LMO7: variants seen among roughly 807,000 people sequenced by gnomAD.
The protein encoded by LMO7 is LIM domain 7.
In LMO7, 120 loss-of-function variants were observed where a neutral mutation model predicts 206.5. The observed-to-expected ratio is 0.58, with a 90% confidence interval of 0.50 to 0.68. The LOEUF (loss-of-function observed/expected upper bound fraction) is 0.68. Ranked by LOEUF, LMO7 falls within the 30% of genes least tolerant of loss-of-function variation. The pLI is 0.00. For missense variants in LMO7, 1,959 were observed against 1,957.9 expected, an observed-to-expected ratio of 1.00 and a Z score of -0.01; for synonymous variants, 706 against 681.5, an observed-to-expected ratio of 1.04 and a Z score of -0.56.
intron 5 of LMO7, among the ~76,000 whole-genome samples, 177 bp downstream of exon 5, chr13:75,795,608 G>C (rs900087843): frequency 6.6e-6 from 1 of 152,154 alleles, no homozygotes; most frequent in Non-Finnish European, 1.5e-5. Flanking sequence ...TATATGGTTA[G>C]GCTGTTCAGC....
chr13:75,634,636 G>C (rs892438040), upstream of LMO7, among the ~76,000 whole-genome samples: 3 of 152,142 alleles, frequency 2.0e-5, no homozygotes, highest in Admixed American at 6.5e-5. Context: ...CCAGCTACTC[G>C]AGAGGCTGAG....
At chr13:75,671,986 T>C (rs538764478) in intron 1 of LMO7, among the ~76,000 whole-genome samples, 27 of 152,278 alleles carry the variant, frequency 1.8e-4, no homozygotes, top group African/African-American at 6.3e-4. Flanking sequence ...TCATATTTCA[T>C]ACATTGCTTA....
At chr13:75,668,130 C>A (rs2039235242) in intron 1 of LMO7, among the ~76,000 whole-genome samples, 1 of 152,192 alleles carries the variant, frequency 6.6e-6, no homozygotes, top group African/African-American at 2.4e-5. Flanking sequence ...ATTGCTTGAA[C>A]ACTGGAGGTG....
chr13:75,778,399 A>T (rs1011427192), intron 4 of LMO7, among the ~76,000 whole-genome samples: 1 of 151,800 alleles, frequency 6.6e-6, no homozygotes, highest in African/African-American at 2.4e-5. Context: ...TGCCTGGCTA[A>T]TTTTTTGTAT....
intron 27 of LMO7, among the ~76,000 whole-genome samples, chr13:75,850,398 T>G (rs975584134): frequency 3.9e-5 from 6 of 152,214 alleles, no homozygotes; most frequent in African/African-American, 1.4e-4. Context: ...GCACTCTATC[T>G]TCTGGATATA....
intron 3 of LMO7, among the ~76,000 whole-genome samples, chr13:75,734,224 C>T (rs479824): frequency 0.5 from 76,689 of 151,950 alleles, 20,736 homozygotes; most frequent in African/African-American, 0.7. Flanking sequence ...CCACACTGTC[C>T]CAAGGTAGCT....
rs1029330001 is a variant in LMO7, at chr13:75,636,403, C to T, written c.-255C>T. On this transcript the variant is annotated 5_prime_UTR_variant, in exon 1 of 31. Transcript: ENST00000377534. ...CGCTTCCCGCGTCCTGCCTGACTGC[C>T]CGGGTCCCCGCGGGCCTTGGGTCGC... is the stretch of plus-strand genomic sequence containing the variant. The T allele has an allele frequency of 6.0e-6, 8 of 1,326,130 alleles. No individual in the cohort carries two copies. The African/African-American group carries it at 1.1e-4, about 18-fold the overall frequency. The allele number at this position is 1,326,130 out of a possible 1,614,324, so 82.1% of individuals were successfully genotyped here. A position where few individuals can be genotyped will look rare whatever the true frequency, so the allele number is the denominator to read the frequency against.
At chr13:75,782,682 G>A (rs2051708894) in intron 4 of LMO7, among the ~76,000 whole-genome samples, 1 of 152,198 alleles carries the variant, frequency 6.6e-6, no homozygotes, top group South Asian at 2.1e-4. Flanking sequence ...TCTTCTTGCA[G>A]CTCCAGGGGA....
At chr13:75,805,081 A>G (rs1318267565) in intron 8 of LMO7, 5 of 1,013,990 alleles carry the variant, frequency 4.9e-6, no homozygotes, top group East Asian at 1.9e-4. Context: ...AAAATCACCT[A>G]TCCTAATTCT....
At chr13:75,787,427 T>G (rs1357817238) in intron 4 of LMO7, among the ~76,000 whole-genome samples, 1 of 152,232 alleles carries the variant, frequency 6.6e-6, no homozygotes, top group Admixed American at 6.5e-5. Flanking sequence ...GTGTGTGGTT[T>G]GTTTCTCTTT....
intron 27 of LMO7, 63 bp from the exon 28 acceptor site, chr13:75,853,029 G>C: frequency 7.6e-7 from 1 of 1,312,210 alleles, no homozygotes. Context: ...ATGGAATGAT[G>C]AATTAAATAG....
intron 4 of LMO7, among the ~76,000 whole-genome samples, chr13:75,778,295 C>T (rs1326386587): frequency 6.6e-6 from 1 of 151,912 alleles, no homozygotes; most frequent in African/African-American, 2.4e-5. Flanking sequence ...TGCAGTGGTG[C>T]GATCTCAGCT....
intron 12 of LMO7, 151 bp from the exon 13 acceptor site, chr13:75,819,242 G>A (rs760808960): frequency 4.1e-6 from 3 of 726,074 alleles, no homozygotes; most frequent in South Asian, 2.4e-5. Context: ...GTACAGAAAC[G>A]CTGGCTATAA....
At chr13:75,750,545 G>A (rs915830501) in intron 3 of LMO7, among the ~76,000 whole-genome samples, 10 of 151,734 alleles carry the variant, frequency 6.6e-5, no homozygotes, top group African/African-American at 9.7e-5. Flanking sequence ...GCATGCCACC[G>A]CACCTGGATA....
intron 14 of LMO7, among the ~76,000 whole-genome samples, chr13:75,822,114 G>A (rs1374213767): frequency 1.3e-5 from 2 of 152,122 alleles, no homozygotes; most frequent in Non-Finnish European, 2.9e-5. Flanking sequence ...CTAGTGTCAG[G>A]ATTTTGAAGG....
intron 3 of LMO7, among the ~76,000 whole-genome samples, chr13:75,752,705 G>A (rs911335915): frequency 6.6e-6 from 1 of 152,152 alleles, no homozygotes; most frequent in African/African-American, 2.4e-5. Context: ...CTGCATCTGA[G>A]TTGTTTCGCT....
intron 3 of LMO7, among the ~76,000 whole-genome samples, chr13:75,741,988 G>T (rs146040686): frequency 6.6e-6 from 1 of 152,036 alleles, no homozygotes; most frequent in East Asian, 1.9e-4. Context: ...GCATAGTCTC[G>T]GCCCCAAAGC....
Position 75,636,432 on chromosome 13 carries a change from C to G in LMO7, c.-226C>G. The G allele has an allele frequency of 2.9e-6, 4 of 1,377,126 alleles. No individual in the cohort carries two copies. The highest frequency in any genetic ancestry group is 9.4e-7 in the Non-Finnish European group (1 of 1,068,780). The allele number at this position is 1,377,126 out of a possible 1,614,324, so 85.3% of individuals were successfully genotyped here. On this transcript the variant is annotated 5_prime_UTR_variant, in exon 1 of 31. Transcript: ENST00000377534. ...GTCCCCGCGGGCCTTGGGTCGCTTT[C>G]AGGAGTTTAGAGAAAGCCAGGTCTT...
At chr13:75,692,632 A>AT (rs892847516) in intron 1 of LMO7, among the ~76,000 whole-genome samples, 1 of 151,772 alleles carries the variant, frequency 6.6e-6, no homozygotes, top group African/African-American at 2.4e-5. Flanking sequence ...GCACTCGGCC[A>AT]TTTTTTTCCT....
Sources: gnomAD v4.1 joint callset for allele counts (sites outside exome capture counted in the v4.1 genomes callset) on GRCh38, gnomAD v4.1.1 for gene constraint, MANE v1.5 for transcripts, NCBI Gene and HGNC (gene_info 2026-07-23, HGNC 2026-07-21) for gene names.